Variants in VPS13B observed in about 807,000 individuals in gnomAD.
VPS13B encodes the protein vacuolar protein sorting 13 homolog B, also known as intermembrane lipid transfer protein VPS13B.
In VPS13B, 285 loss-of-function variants were observed where a neutral mutation model predicts 426.4. That is an observed-to-expected ratio of 0.67 (90% CI 0.61 to 0.74). The LOEUF is 0.74. VPS13B is among the 30% of genes least tolerant of loss of function. VPS13B has a pLI of 0.00. For missense variants in VPS13B, 4,537 were observed against 4,782.6 expected (o/e 0.95, Z 1.51); for synonymous variants, 1,676 against 1,676.4 (o/e 1.00, Z 0.01).
intron 34 of VPS13B, among the ~76,000 whole-genome samples, chr8:99,643,440 A>G (rs944915928): frequency 2.6e-5 from 4 of 152,190 alleles, no homozygotes; most frequent in African/African-American, 9.7e-5. Flanking sequence ...GCACAGCAGG[A>G]TCCTGAAAGG....
At chr8:99,284,260 C>G (rs1305580144) in intron 19 of VPS13B, among the ~76,000 whole-genome samples, 2 of 151,976 alleles carry the variant, frequency 1.3e-5, no homozygotes, top group Admixed American at 1.3e-4. Flanking sequence ...TCAAATTTAT[C>G]TTTATTAAAG....
chr8:99,612,289 C>A (rs1827876634), intron 33 of VPS13B, among the ~76,000 whole-genome samples: 2 of 152,136 alleles, frequency 1.3e-5, no homozygotes, highest in Admixed American at 1.3e-4. Flanking sequence ...CATCACAGAT[C>A]CCTGTGGGGT....
At chr8:99,115,006 T>C (rs953990463) in intron 6 of VPS13B, among the ~76,000 whole-genome samples, 4 of 152,206 alleles carry the variant, frequency 2.6e-5, no homozygotes, top group Non-Finnish European at 4.4e-5. Context: ...ATCTTATTTC[T>C]TTGTTATAAT....
chr8:99,355,905 T>A (rs1474558682), intron 19 of VPS13B, among the ~76,000 whole-genome samples: 1 of 152,210 alleles, frequency 6.6e-6, no homozygotes, highest in Non-Finnish European at 1.5e-5. Flanking sequence ...TTTATTTCTC[T>A]ATTAACTACT....
chr8:99,628,121 G>A (rs1426654153), intron 33 of VPS13B, among the ~76,000 whole-genome samples: 1 of 152,192 alleles, frequency 6.6e-6, no homozygotes, highest in Admixed American at 6.5e-5. Context: ...TCGACTAAAG[G>A]AAAGCTGTGA....
At chr8:99,221,671 G>A (rs573110836) in intron 17 of VPS13B, among the ~76,000 whole-genome samples, 3 of 151,606 alleles carry the variant, frequency 2.0e-5, no homozygotes, top group Non-Finnish European at 4.4e-5. Context: ...AATTTTTTTT[G>A]GTGGCCAATT....
intron 22 of VPS13B, among the ~76,000 whole-genome samples, chr8:99,434,238 G>T (rs964170693): frequency 2.0e-5 from 3 of 152,290 alleles, no homozygotes; most frequent in Admixed American, 6.5e-5. Flanking sequence ...TCCCTGGTCT[G>T]TCCTACACTC....
intron 19 of VPS13B, among the ~76,000 whole-genome samples, chr8:99,343,981 C>G (rs562224918): frequency 6.6e-6 from 1 of 152,180 alleles, no homozygotes; most frequent in South Asian, 2.1e-4. Context: ...TCTTACAAAC[C>G]CACAAAAGAC....
At chr8:99,631,673 A>G (rs1189801647) in intron 33 of VPS13B, among the ~76,000 whole-genome samples, 1 of 151,816 alleles carries the variant, frequency 6.6e-6, no homozygotes, top group African/African-American at 2.4e-5. Flanking sequence ...TTTCTCTCAT[A>G]ATACTAAACA....
Position 99,853,729 on chromosome 8 carries a change from A to T in VPS13B, c.10340A>T (p.Gln3447Leu). ...SNFHFAVLVC[Q>L]GEKAEPIQCS... ...TTCCACTTTGCTGTCTTAGTCTGCCAGGGAGAAAAAGCAGAACCCATTCAG... is the reference window on the plus strand; with the variant it reads ...TTCCACTTTGCTGTCTTAGTCTGCCTGGGAGAAAAAGCAGAACCCATTCAG... The change falls in exon 56 of 62, where the codon CAG becomes CTG. Residue 3447 changes from glutamine (Q) to leucine (L), a missense_variant. Gln to Leu is a moderately radical substitution (Grantham distance 113). This residue lies in a region of VPS13B where 4,311 missense variants were observed against 4,474.3 expected (regional missense o/e 0.96). Transcript: ENST00000357162. The T allele has an allele frequency of 1.2e-6, 2 of 1,614,242 alleles. No individual in the cohort carries two copies. Among genetic ancestry groups the T allele is most frequent in the East Asian group, 4.5e-5 (2 of 44,894 alleles).
At position 99,121,267 on chromosome 8, in the gene VPS13B, A is replaced by AG. The variant is rs1847920776; in HGVS notation, c.1031dup (p.Trp345MetfsTer16). 1 of 1,614,060 alleles carries AG rather than the reference A, an allele frequency of 6.2e-7. No individual in the cohort carries two copies. The highest frequency in any genetic ancestry group is 1.3e-5 in the African/African-American group (1 of 74,936). ...TCACAGCAAGATGAGGAGCAGCCAC[A>AG]GGGATGGGTGTCATGGGCCTGGTCC... On this transcript the variant is annotated frameshift_variant, in exon 8 of 62. Transcript: ENST00000357162. LOFTEE classifies it high-confidence loss of function.
intron 33 of VPS13B, among the ~76,000 whole-genome samples, chr8:99,579,516 G>T (rs1311327776): frequency 2.0e-5 from 3 of 151,988 alleles, no homozygotes; most frequent in African/African-American, 7.2e-5. Flanking sequence ...TCCTGCCTCA[G>T]TATCCCACGT....
intron 3 of VPS13B, among the ~76,000 whole-genome samples, chr8:99,073,460 A>C (rs1284480694): frequency 6.6e-6 from 1 of 151,810 alleles, no homozygotes; most frequent in Non-Finnish European, 1.5e-5. Flanking sequence ...TGTTAAATTT[A>C]TTCTTAGATA....
chr8:99,583,863 G>C (rs1023503339), intron 33 of VPS13B, among the ~76,000 whole-genome samples: 1 of 152,032 alleles, frequency 6.6e-6, no homozygotes, highest in Admixed American at 6.6e-5. Context: ...TTTTCTGGTC[G>C]GTCTTGCTGC....
intron 31 of VPS13B, 121 bp downstream of exon 31, chr8:99,556,774 T>G: frequency 1.9e-6 from 2 of 1,073,044 alleles, no homozygotes; most frequent in Non-Finnish European, 2.8e-6. Context: ...TGCTTTTCAT[T>G]ATAAGCATAA....
intron 20 of VPS13B, among the ~76,000 whole-genome samples, chr8:99,387,871 A>T (rs907257864): frequency 6.6e-6 from 1 of 152,224 alleles, no homozygotes; most frequent in African/African-American, 2.4e-5. Flanking sequence ...TAGCCAACTT[A>T]TAACCCCAAA....
intron 40 of VPS13B, among the ~76,000 whole-genome samples, chr8:99,773,099 G>A (rs1400697038): frequency 1.2e-4 from 19 of 152,112 alleles, no homozygotes; most frequent in Non-Finnish European, 4.4e-5. Context: ...ATCAAGTGGT[G>A]GACATCATGC....
At chr8:99,337,440 C>G (rs1411095157) in intron 19 of VPS13B, among the ~76,000 whole-genome samples, 1 of 151,434 alleles carries the variant, frequency 6.6e-6, no homozygotes, top group Non-Finnish European at 1.5e-5. Context: ...GTGCAGCACA[C>G]CAGCATGGCA....
chr8:99,261,356 G>C (rs910724962), intron 17 of VPS13B, among the ~76,000 whole-genome samples: 3 of 152,058 alleles, frequency 2.0e-5, no homozygotes, highest in African/African-American at 7.2e-5. Context: ...TTTCAAGATT[G>C]TAGCCTTTTC....
Sources: gnomAD v4.1 joint callset for allele counts (sites outside exome capture counted in the v4.1 genomes callset) on GRCh38, gnomAD v4.1.1 for gene constraint, gnomAD v4.1.1 regional missense constraint, MANE v1.5 for transcripts, NCBI Gene and HGNC (gene_info 2026-07-23, HGNC 2026-07-21) for gene names.